The following RBFOX3 variants were observed in gnomAD, a reference collection of about 807,000 sequenced individuals.
RBFOX3 encodes the protein RNA binding fox-1 homolog 3.
In RBFOX3, 17 loss-of-function variants were observed where a neutral mutation model predicts 48.7. The observed-to-expected ratio is 0.35, with a 90% CI of 0.24 to 0.52. RBFOX3 has a LOEUF of 0.52. Among genes scored for constraint, RBFOX3 ranks in the 20% least tolerant of loss-of-function variants. The probability of loss-of-function intolerance (pLI) is 0.94; values close to 1 mark genes in which losing one functional copy is unlikely to be tolerated. For synonymous variants in RBFOX3, 212 were observed against 209.5 expected (o/e 1.01, Z -0.10); for missense variants, 382 against 497.5 (o/e 0.77, Z 2.21).
chr17:79,378,831 G>A (rs548710584), intron 2 of RBFOX3, among the ~76,000 whole-genome samples: 6 of 152,236 alleles, frequency 3.9e-5, no homozygotes, highest in East Asian at 1.9e-4. Flanking sequence ...CCACTGAAAG[G>A]CTGGCAGGGA....
At chr17:79,146,559 C>A (rs1857066288) in intron 4 of RBFOX3, among the ~76,000 whole-genome samples, 1 of 152,222 alleles carries the variant, frequency 6.6e-6, no homozygotes, top group Admixed American at 6.5e-5. Context: ...ATCCTGGTTC[C>A]AGGCAAAGCC....
At chr17:79,190,713 G>A (rs1027957038) in intron 4 of RBFOX3, among the ~76,000 whole-genome samples, 8 of 152,224 alleles carry the variant, frequency 5.3e-5, no homozygotes, top group African/African-American at 1.9e-4. Flanking sequence ...TTCAAAGGGT[G>A]AAGGCTTTGA....
chr17:79,493,879 G>A (rs1158230659), intron 1 of RBFOX3, among the ~76,000 whole-genome samples: 2 of 152,172 alleles, frequency 1.3e-5, no homozygotes, highest in African/African-American at 2.4e-5. Context: ...CGGCAGTAGG[G>A]CTCCTTGGCT....
intron 1 of RBFOX3, among the ~76,000 whole-genome samples, chr17:79,528,029 TC>T (rs1306256918): frequency 5.9e-5 from 9 of 152,202 alleles, no homozygotes; most frequent in African/African-American, 2.2e-4. Context: ...CTGAGGAGAA[TC>T]TTAGTTGAAC....
intron 1 of RBFOX3, among the ~76,000 whole-genome samples, chr17:79,492,294 C>A (rs1293670468): frequency 1.3e-5 from 2 of 152,150 alleles, no homozygotes; most frequent in Admixed American, 6.5e-5. Flanking sequence ...CTCCTGGTGC[C>A]CAGACACCCC....
intron 1 of RBFOX3, among the ~76,000 whole-genome samples, chr17:79,492,140 C>T (rs920617985): frequency 4.6e-5 from 7 of 152,184 alleles, no homozygotes; most frequent in African/African-American, 1.7e-4. Flanking sequence ...TGAGCTCACA[C>T]TGGACATGCT....
At chr17:79,101,279 A>G (rs77389166) in intron 9 of RBFOX3, among the ~76,000 whole-genome samples, 7,482 of 152,258 alleles carry the variant, frequency 0.049, 327 homozygotes, top group East Asian at 0.24. Flanking sequence ...AGGCACAGCT[A>G]TCCCCCTGGA....
At chr17:79,355,060 C>G (rs1265671853) in intron 2 of RBFOX3, among the ~76,000 whole-genome samples, 1 of 152,190 alleles carries the variant, frequency 6.6e-6, no homozygotes, top group Non-Finnish European at 1.5e-5. Flanking sequence ...TCTTTATAGC[C>G]CCACACGGGA....
At chr17:79,455,380 G>A (rs1273976263) in intron 2 of RBFOX3, among the ~76,000 whole-genome samples, 1 of 152,200 alleles carries the variant, frequency 6.6e-6, no homozygotes, top group East Asian at 1.9e-4. Context: ...GAGACCACCT[G>A]AGGGTCATCC....
intron 1 of RBFOX3, among the ~76,000 whole-genome samples, chr17:79,610,535 A>AC (rs2093949782): frequency 6.6e-6 from 1 of 151,226 alleles, no homozygotes; most frequent in South Asian, 2.1e-4. Context: ...ATGGAGCCCG[A>AC]CCCCCGGGCC....
At chr17:79,591,989 G>C (rs896520303) in intron 1 of RBFOX3, among the ~76,000 whole-genome samples, 9 of 151,144 alleles carry the variant, frequency 6.0e-5, no homozygotes, top group African/African-American at 2.2e-4. Context: ...GGTATGTGCA[G>C]TGTGTGTGTG....
chr17:79,644,976 A>T, the RBFOX3 span, among the ~76,000 whole-genome samples: 1 of 152,218 alleles, frequency 6.6e-6, no homozygotes, highest in Non-Finnish European at 1.5e-5. Context: ...TCAGAAAAAC[A>T]AAACACCTGT....
At chr17:79,526,135 C>T (rs1290218574) in intron 1 of RBFOX3, among the ~76,000 whole-genome samples, 2 of 152,212 alleles carry the variant, frequency 1.3e-5, no homozygotes, top group African/African-American at 4.8e-5. Context: ...GTGACGCCAA[C>T]ACTGCCAGTC....
At chr17:79,438,925 T>C (rs2070193045) in intron 2 of RBFOX3, among the ~76,000 whole-genome samples, 1 of 152,242 alleles carries the variant, frequency 6.6e-6, no homozygotes, top group Non-Finnish European at 1.5e-5. Context: ...TATTTTGGTC[T>C]GTCCATACAT....
At chr17:79,588,994 T>C (rs1396199603) in intron 1 of RBFOX3, among the ~76,000 whole-genome samples, 1 of 151,556 alleles carries the variant, frequency 6.6e-6, no homozygotes, top group African/African-American at 2.4e-5. Flanking sequence ...GACCCCATCC[T>C]GAGCTTGGAC....
chr17:79,466,675 A>C (rs1598821323), intron 2 of RBFOX3, among the ~76,000 whole-genome samples: 1 of 151,820 alleles, frequency 6.6e-6, no homozygotes, highest in South Asian at 2.1e-4. Context: ...ACACACACAC[A>C]CCCTCCCCAA....
the RBFOX3 span, among the ~76,000 whole-genome samples, chr17:79,645,955 C>CTCCCGCAAAAACTGTT: frequency 1.3e-5 from 2 of 152,172 alleles, no homozygotes; most frequent in Non-Finnish European, 2.9e-5. Flanking sequence ...GCTCCTGCAC[C>CTCCCGCAAAAACTGTT]TCCCGCAAAA....
At chr17:79,410,171 GCA>G (rs1033664216) in intron 2 of RBFOX3, among the ~76,000 whole-genome samples, 1 of 152,226 alleles carries the variant, frequency 6.6e-6, no homozygotes, top group African/African-American at 2.4e-5. Flanking sequence ...ACGGCCCCCT[GCA>G]CACAGTGTCC....
chr17:79,653,744 A>T, the RBFOX3 span, among the ~76,000 whole-genome samples: 1 of 134,726 alleles, frequency 7.4e-6, no homozygotes, highest in Non-Finnish European at 1.6e-5. Context: ...TTTCAATTTT[A>T]AAACTATTTG....
Sources: gnomAD v4.1 joint callset for allele counts (sites outside exome capture counted in the v4.1 genomes callset) on GRCh38, gnomAD v4.1.1 for gene constraint, MANE v1.5 for transcripts, NCBI Gene and HGNC (gene_info 2026-07-23, HGNC 2026-07-21) for gene names.